TBL2: variants seen among roughly 807,000 people sequenced by gnomAD.
TBL2 encodes the protein transducin beta-like protein 2.
In TBL2, 33 loss-of-function variants were observed where a neutral mutation model predicts 41.8. That is an observed-to-expected ratio of 0.79 (90% CI 0.60 to 1.06). The LOEUF is 1.06. TBL2 is among the 50% of genes least tolerant of loss of function. The pLI is 0.00. For synonymous variants in TBL2, 239 were observed against 241.7 expected (o/e 0.99, Z 0.10); for missense variants, 522 against 603.8 (o/e 0.86, Z 1.42).
In TBL2 at chr7:73,573,404, C is replaced by T. The variant is rs909772870; in HGVS notation, c.514G>A (p.Gly172Arg). 7 of 1,614,060 alleles carry T rather than the reference C, an allele frequency of 4.3e-6. No individual in the cohort carries two copies. Among genetic ancestry groups the T allele is most frequent in the African/African-American group, 1.3e-5 (1 of 74,920 alleles). Residue 172 changes from glycine (G) to arginine (R), a missense_variant, in exon 4 of 7, where the codon GGG becomes AGG. Physicochemically the swap from Gly to Arg is moderately radical, Grantham distance 125 (BLOSUM62 -2). Transcript: ENST00000305632. Reference protein sequence around the residue: ...RVFKMTKREDGGYTFTATPED... With the variant: ...RVFKMTKREDRGYTFTATPED... ...GGGGTGGCTGTGAAGGTGTAGCCCC[C>T]ATCCTCCCGCTTGGTCATCTTGAAG...
In TBL2 at chr7:73,571,122, C is replaced by G. The variant is rs996185611; in HGVS notation, c.878+67G>C. 30 of 1,605,848 alleles carry G rather than the reference C, an allele frequency of 1.9e-5. No individual in the cohort carries two copies. In the African/African-American group the frequency reaches 3.7e-4, roughly 20 times the overall value. Reference sequence around the variant, plus strand: ...TCTTCAGAGCCATGGCACAAACAGACAGAAGGACCCTGGTTGTCAAGAGGG... The same window carrying G: ...TCTTCAGAGCCATGGCACAAACAGAGAGAAGGACCCTGGTTGTCAAGAGGG... On this transcript the variant is annotated intron_variant, in intron 6 of 6. Coordinates refer to ENST00000305632, the MANE Select transcript of TBL2 (RefSeq NM_012453.4).
intron 1 of TBL2, among the ~76,000 whole-genome samples, chr7:73,575,702 G>A (rs1284601662): frequency 6.6e-6 from 1 of 152,192 alleles, no homozygotes; most frequent in Admixed American, 6.5e-5. Context: ...AAAGTGCTGG[G>A]ATTATAGGCG....
intron 5 of TBL2, 73 bp from the exon 6 acceptor site, chr7:73,571,414 T>G: frequency 6.3e-7 from 1 of 1,587,192 alleles, no homozygotes; most frequent in Non-Finnish European, 8.6e-7. Flanking sequence ...CCTCAATCTC[T>G]TTCCTGAGAA....
rs1554587545 is a variant in TBL2, at chr7:73,571,327, C to T, written c.740G>A (p.Cys247Tyr). 6.2e-7 allele frequency: 1 copy of T among 1,614,238 alleles called. No individual in the cohort carries two copies. Among genetic ancestry groups the T allele is most frequent in the South Asian group, 1.1e-5 (1 of 91,082 alleles). ...AACCTTCACATCTGGGGTGAAGCCA[C>T]ACGAGGCTACAAATCTGCCATACAA... ...VSPCGRFVAS[C>Y]GFTPDVKVWE... Residue 247 changes from cysteine (C) to tyrosine (Y), a missense_variant, in exon 6 of 7, where the codon TGT becomes TAT. Transcript: ENST00000305632.
chr7:73,575,273 G>A (rs1213443416), intron 1 of TBL2, among the ~76,000 whole-genome samples: 1 of 147,460 alleles, frequency 6.8e-6, no homozygotes, highest in Non-Finnish European at 1.5e-5. Flanking sequence ...TCATGGGCGT[G>A]CACCACCATA....
rs1384763036 is a variant in TBL2, at chr7:73,569,184, G to GCC, written c.*1321_*1322dup. 6.6e-6 allele frequency: 1 copy of GCC among 152,212 alleles called. No individual in the cohort carries two copies. The highest frequency in any genetic ancestry group is 1.5e-5 in the Non-Finnish European group (1 of 68,048). 9.4% of individuals were successfully genotyped at this position (152,212 alleles called of 1,614,324 possible). A position where few individuals can be genotyped will look rare whatever the true frequency, so the allele number is the denominator to read the frequency against. ...ACAGAAAAGCTGGAGAGAAGCAACA[G>GCC]CCTCAGGATGTCACATGGAGTGTAA... On this transcript the variant is annotated 3_prime_UTR_variant, in exon 7 of 7. Coordinates refer to ENST00000305632, the MANE Select transcript of TBL2 (RefSeq NM_012453.4).
At chr7:73,574,229 C>G in intron 2 of TBL2, 107 bp from the exon 3 acceptor site, 2 of 1,534,606 alleles carry the variant, frequency 1.3e-6, no homozygotes, top group Non-Finnish European at 1.8e-6. Flanking sequence ...TAACAGCAAG[C>G]TGAGATTGGG....
At chr7:73,574,537 C>T (rs782059119) in intron 1 of TBL2, 24 bp from the exon 2 acceptor site, 332 of 1,614,006 alleles carry the variant, frequency 2.1e-4, no homozygotes, top group Non-Finnish European at 2.7e-4. Context: ...CCATGTTGTT[C>T]TCCAGTTACT....
intron 5 of TBL2, 24 bp from the exon 6 acceptor site, chr7:73,571,365 T>C: frequency 1.2e-6 from 2 of 1,613,656 alleles, no homozygotes; most frequent in Non-Finnish European, 1.7e-6. Context: ...CAGAAGCCTT[T>C]AAAACTTCAT....
In TBL2 at chr7:73,572,834, C is replaced by T; in HGVS notation, c.725+10G>A. 6.2e-7 allele frequency: 1 copy of T among 1,614,046 alleles called. No individual in the cohort carries two copies. Among genetic ancestry groups the T allele is most frequent in the Non-Finnish European group, 8.5e-7 (1 of 1,179,920 alleles). On this transcript the variant is annotated intron_variant, in intron 5 of 6. Coordinates refer to ENST00000305632, the MANE Select transcript of TBL2 (RefSeq NM_012453.4). ...CGTGGTCCCAGACGCCAATACCCCT[C>T]CTTGCCCACCTGCCACAGGGAGATA...
At position 73,574,478 on chromosome 7, in the gene TBL2, A is replaced by C; in HGVS notation, c.166T>G (p.Ser56Ala). The change falls in exon 2 of 7, where the codon TCG (serine) becomes GCG (alanine). Residue 56 changes from serine to alanine, a missense_variant. Coordinates refer to ENST00000305632, the MANE Select transcript of TBL2 (RefSeq NM_012453.4). ...KANGFPPDKS[S>A]GSKKQKQYQR... ...TATTGTTTCTGCTTCTTGGATCCCG[A>C]AGATTTGTCAGGTGGAAATCCATTT... 6.2e-7 allele frequency: 1 copy of C among 1,614,186 alleles called. No homozygotes were observed. The highest frequency in any genetic ancestry group is 8.5e-7 in the Non-Finnish European group (1 of 1,180,044).
rs782261299 is a variant in TBL2, at chr7:73,572,827, T to C, written c.725+17A>G. The C allele has an allele frequency of 1.9e-6, 3 of 1,613,780 alleles. No homozygotes were observed. Among genetic ancestry groups the C allele is most frequent in the Admixed American group, 1.7e-5 (1 of 59,992 alleles). On this transcript the variant is annotated intron_variant, in intron 5 of 6. Transcript: ENST00000305632. ...AGCCTCTCGTGGTCCCAGACGCCAA[T>C]ACCCCTCCTTGCCCACCTGCCACAG...
chr7:73,570,324 A>C lies in TBL2; in HGVS notation c.*183T>G, dbSNP rs782378425. The C allele has an allele frequency of 5.0e-5, 57 of 1,138,372 alleles. No individual in the cohort carries two copies. The highest frequency in any genetic ancestry group is 1.1e-4 in the Admixed American group (3 of 28,500). The allele number at this position is 1,138,372 out of a possible 1,614,324, so 70.5% of individuals were successfully genotyped here. A position where few individuals can be genotyped will look rare whatever the true frequency, so the allele number is the denominator to read the frequency against. ...TGGCCACTAGTCAGGGAGGAGTCAC[A>C]GCCAGCAAGAAGAGAGAGACCTAAG... On this transcript the variant is annotated 3_prime_UTR_variant, in exon 7 of 7. Transcript: ENST00000305632.
chr7:73,571,992 G>A (rs1792989161), intron 5 of TBL2: 1 of 161,172 alleles, frequency 6.2e-6, no homozygotes, highest in Non-Finnish European at 1.4e-5. Context: ...GAACCCGGGA[G>A]ACGGAGGTTG....
At chr7:73,574,703 G>A (rs1554588583) in intron 1 of TBL2, 190 bp from the exon 2 acceptor site, 7 of 719,516 alleles carry the variant, frequency 9.7e-6, no homozygotes, top group East Asian at 5.5e-5. Context: ...GCTCATGCCT[G>A]TAATCCCAAT....
chr7:73,573,737 C>G lies in TBL2; in HGVS notation c.446+201G>C, dbSNP rs1339774529. 4 of 765,504 alleles carry G rather than the reference C, an allele frequency of 5.2e-6. No homozygotes were observed. The Admixed American group carries it at 1.2e-4, about 23-fold the overall frequency. The allele number at this position is 765,504 out of a possible 1,614,324, so 47.4% of individuals were successfully genotyped here. ...AAGGTATTTCCAGGTAGGAAGAGACCTCCCCCTGTTTCCTTGCTGTATAGC... is the reference window on the plus strand; with the variant it reads ...AAGGTATTTCCAGGTAGGAAGAGACGTCCCCCTGTTTCCTTGCTGTATAGC... On this transcript the variant is annotated intron_variant, in intron 3 of 6. Transcript: ENST00000305632.
chr7:73,571,177 G>C lies in TBL2; in HGVS notation c.878+12C>G, dbSNP rs367955099. On this transcript the variant is annotated intron_variant, in intron 6 of 6. Transcript: ENST00000305632. ...AGAGCCACTGGTCAGACATCAGAGCGGATTCACTCACCTCCGTGAGTCGTT... is the reference window on the plus strand; with the variant it reads ...AGAGCCACTGGTCAGACATCAGAGCCGATTCACTCACCTCCGTGAGTCGTT... The C allele has an allele frequency of 1.2e-6, 2 of 1,614,122 alleles. No individual in the cohort carries two copies. Among genetic ancestry groups the C allele is most frequent in the South Asian group, 2.2e-5 (2 of 91,062 alleles).
intron 1 of TBL2, among the ~76,000 whole-genome samples, chr7:73,575,540 G>A (rs1259041856): frequency 5.9e-5 from 9 of 152,074 alleles, no homozygotes; most frequent in South Asian, 2.1e-4. Context: ...TGATCCACCC[G>A]CCTCGGCCTC....
intron 5 of TBL2, chr7:73,571,796 C>T (rs1792974468): frequency 5.9e-6 from 1 of 169,182 alleles, no homozygotes; most frequent in Non-Finnish European, 1.3e-5. Flanking sequence ...TGTGGTGGCT[C>T]ATACCTGTAA....
Sources: gnomAD v4.1 joint callset for allele counts (sites outside exome capture counted in the v4.1 genomes callset) on GRCh38, gnomAD v4.1.1 for gene constraint, MANE v1.5 for transcripts, NCBI Gene and HGNC (gene_info 2026-07-23, HGNC 2026-07-21) for gene names.